CUL3: variants seen among roughly 807,000 people sequenced by gnomAD.
CUL3 encodes the protein cullin 3.
In CUL3, 19 loss-of-function variants were observed where a neutral mutation model predicts 89.1. The observed-to-expected ratio is 0.21, with a 90% CI of 0.15 to 0.31. CUL3 has a LOEUF of 0.31. CUL3 is among the 10% of genes least tolerant of loss of function. CUL3 has a pLI of 1.00. For synonymous variants in CUL3, 351 were observed against 308.4 expected, an observed-to-expected ratio of 1.14 and a Z score of -1.45; for missense variants, 469 against 942.3, an observed-to-expected ratio of 0.50 and a Z score of 6.58.
At chr2:224,533,911 G>C (rs1693784100) in intron 3 of CUL3, among the ~76,000 whole-genome samples, 1 of 152,144 alleles carries the variant, frequency 6.6e-6, no homozygotes, top group South Asian at 2.1e-4. Flanking sequence ...TGAATTCACA[G>C]AGCAGAACAA....
In CUL3 at chr2:224,582,339, C is replaced by G. The variant is rs568710708; in HGVS notation, c.66+2605G>C. 5.9e-5 allele frequency among the ~76,000 whole-genome samples: 9 copies of G among 152,292 alleles called. 1 individual carries two copies. The South Asian group carries it at 1.9e-3, about 32-fold the overall frequency. On this transcript the variant is annotated intron_variant, in intron 1 of 15. Transcript: ENST00000264414. ...AACTCACGCAGTCTGTAGTTATGAACAAGACTGCCAATCTGGAAGACAGGA... is the reference window on the plus strand; with the variant it reads ...AACTCACGCAGTCTGTAGTTATGAAGAAGACTGCCAATCTGGAAGACAGGA...
intron 2 of CUL3, among the ~76,000 whole-genome samples, chr2:224,541,541 C>A (rs937759264): frequency 6.6e-6 from 1 of 152,196 alleles, no homozygotes; most frequent in African/African-American, 2.4e-5. Flanking sequence ...AATAACATCA[C>A]GTGACCCAGC....
At chr2:224,555,825 C>T (rs138358641) in intron 2 of CUL3, among the ~76,000 whole-genome samples, 20 of 152,270 alleles carry the variant, frequency 1.3e-4, no homozygotes, top group African/African-American at 3.8e-4. Context: ...ACCTCTCCTC[C>T]GTTTGAATTC....
At chr2:224,537,906 T>C (rs150543581) in intron 2 of CUL3, among the ~76,000 whole-genome samples, 56 of 152,278 alleles carry the variant, frequency 3.7e-4, no homozygotes, top group African/African-American at 1.3e-3. Context: ...TGTTACAAAA[T>C]AAGGCATGTT....
chr2:224,506,797 T>G (rs1254841311), intron 7 of CUL3, 61 bp downstream of exon 7: 1 of 1,535,076 alleles, frequency 6.5e-7, no homozygotes, highest in Non-Finnish European at 8.9e-7. Flanking sequence ...AAAAGTGGCC[T>G]TTTTAGCACT....
chr2:224,516,565 T>C (rs185140733), intron 3 of CUL3, among the ~76,000 whole-genome samples: 5,298 of 152,202 alleles, frequency 0.035, 123 homozygotes, highest in Non-Finnish European at 0.056. Context: ...TCTGCCCGCC[T>C]TGGCCTCCCA....
At chr2:224,535,001 AAAATAAATAAAT>A (rs201253756) in intron 3 of CUL3, among the ~76,000 whole-genome samples, 26,393 of 132,984 alleles carry the variant, frequency 0.2, 3,036 homozygotes, top group Middle Eastern at 0.29. Flanking sequence ...ACCCCGTCTC[AAAATAAATAAAT>A]AAATAAATAA....
Position 224,471,443 on chromosome 2 carries a change from A to G in CUL3, c.*2802T>C, listed in dbSNP as rs1691126829. The G allele has an allele frequency of 5.1e-6, 1 of 197,036 alleles. No individual in the cohort carries two copies. 12.2% of individuals were successfully genotyped at this position (197,036 alleles called of 1,614,324 possible). ...GTACTAGTCTTCTAGAGATGTAGGCATAATCTTAAAACTGGTTCTAGGCCT... is the reference window on the plus strand; with the variant it reads ...GTACTAGTCTTCTAGAGATGTAGGCGTAATCTTAAAACTGGTTCTAGGCCT... On this transcript the variant is annotated 3_prime_UTR_variant, in exon 16 of 16. Coordinates refer to ENST00000264414, the MANE Select transcript of CUL3 (RefSeq NM_003590.5).
chr2:224,573,527 T>C (rs1028795037), intron 1 of CUL3, among the ~76,000 whole-genome samples: 7 of 152,324 alleles, frequency 4.6e-5, no homozygotes, highest in African/African-American at 1.7e-4. Flanking sequence ...CAGTAAAACT[T>C]AAGCTTACGA....
chr2:224,558,859 G>C (rs1344207646), intron 1 of CUL3, among the ~76,000 whole-genome samples: 10 of 150,076 alleles, frequency 6.7e-5, no homozygotes, highest in African/African-American at 1.2e-4. Flanking sequence ...TGGCTAATAC[G>C]GTCTCTACTA....
chr2:224,553,461 T>C (rs909760283), intron 2 of CUL3, among the ~76,000 whole-genome samples: 4 of 152,204 alleles, frequency 2.6e-5, no homozygotes, highest in African/African-American at 9.7e-5. Context: ...TATTTTAAAA[T>C]TTATTTAGTA....
At chr2:224,513,234 A>G (rs1692909285) in intron 5 of CUL3, among the ~76,000 whole-genome samples, 1 of 152,150 alleles carries the variant, frequency 6.6e-6, no homozygotes, top group Admixed American at 6.5e-5. Flanking sequence ...TTTTATGTGG[A>G]CTTTTGACTA....
At chr2:224,582,970 A>G (rs1695476423) in intron 1 of CUL3, among the ~76,000 whole-genome samples, 1 of 152,216 alleles carries the variant, frequency 6.6e-6, no homozygotes, top group African/African-American at 2.4e-5. Flanking sequence ...AAGGCCATTA[A>G]CTTGAGTGAG....
At chr2:224,569,696 G>C in intron 1 of CUL3, 1 of 1,197,306 alleles carries the variant, frequency 8.4e-7, no homozygotes, top group Non-Finnish European at 1.1e-6. Context: ...TACACATCTT[G>C]AAGGTTCTGT....
At chr2:224,581,618 T>G (rs1328247804) in intron 1 of CUL3, among the ~76,000 whole-genome samples, 1 of 151,230 alleles carries the variant, frequency 6.6e-6, no homozygotes, top group South Asian at 2.1e-4. Flanking sequence ...TTCTCGTGCC[T>G]TAGCCTCCCG....
chr2:224,513,250 G>A (rs1389306219), intron 5 of CUL3, among the ~76,000 whole-genome samples: 2 of 152,028 alleles, frequency 1.3e-5, no homozygotes, highest in Non-Finnish European at 2.9e-5. Flanking sequence ...GACTACACAG[G>A]GGCGTCAGCA....
intron 3 of CUL3, among the ~76,000 whole-genome samples, chr2:224,518,947 G>C (rs902897819): frequency 1.3e-5 from 2 of 152,170 alleles, no homozygotes; most frequent in Non-Finnish European, 2.9e-5. Flanking sequence ...CTGGCAAAAA[G>C]GCAGAAAGAC....
intron 9 of CUL3, 146 bp downstream of exon 9, chr2:224,503,506 C>T: frequency 2.8e-6 from 2 of 703,208 alleles, no homozygotes; most frequent in South Asian, 2.4e-5. Context: ...TTAGTGTAGT[C>T]TGTGTTCTTC....
chr2:224,496,051 T>C, intron 12 of CUL3, 85 bp from the exon 13 acceptor site: 1 of 1,420,216 alleles, frequency 7.0e-7, no homozygotes, highest in Non-Finnish European at 9.7e-7. Context: ...ATATGTATGT[T>C]ACAGGGTCTC....
Sources: allele counts gnomAD v4.1 joint callset (sites outside exome capture counted in the v4.1 genomes callset), GRCh38; gene constraint gnomAD v4.1.1; transcripts MANE v1.5; gene names NCBI Gene and HGNC (gene_info 2026-07-23, HGNC 2026-07-21).